The following CSNK1D variants were observed in gnomAD, a reference collection of about 807,000 sequenced individuals.
CSNK1D encodes the protein casein kinase I isoform delta.
CSNK1D carries 16 observed loss-of-function variants against 46.6 expected under a neutral mutation model. That is an observed-to-expected ratio of 0.34 (90% CI 0.23 to 0.52). CSNK1D has a LOEUF of 0.52. Ranked by LOEUF, CSNK1D falls within the 20% of genes least tolerant of loss-of-function variation. The pLI, the probability that CSNK1D is intolerant of heterozygous loss-of-function variation, is 0.95. For synonymous variants in CSNK1D, 276 were observed against 228.2 expected (o/e 1.21, Z -1.89); for missense variants, 398 against 578.4 (o/e 0.69, Z 3.20).
At chr17:82,266,858 A>T (rs574335731) in intron 1 of CSNK1D, 1 of 152,322 alleles carries the variant, frequency 6.6e-6, no homozygotes, top group Non-Finnish European at 1.5e-5. Context: ...CAGGAGATTG[A>T]GACCATCCTG....
rs2050907646 is a variant in CSNK1D, at chr17:82,248,490, G to A, written c.1197+385C>T. 9.1e-7 allele frequency: 1 copy of A among 1,093,430 alleles called. No individual in the cohort carries two copies. The highest frequency in any genetic ancestry group is 1.1e-6 in the Non-Finnish European group (1 of 892,760). The allele number at this position is 1,093,430 out of a possible 1,614,324, so 67.7% of individuals were successfully genotyped here. ...ATCCCTGGCCAGTGGCAAGAATGAG[G>A]AAGAATGAGGAAGGCTCCCTCGGGC... On this transcript the variant is annotated intron_variant, in intron 8 of 8. Coordinates refer to ENST00000314028, the MANE Select transcript of CSNK1D (RefSeq NM_001893.6). This position sits in a 1 kb window ranked among gnomAD's most constrained non-coding sequence, Gnocchi z 4.1.
downstream of CSNK1D, among the ~76,000 whole-genome samples, chr17:82,240,889 G>A (rs1171601685): frequency 6.6e-6 from 1 of 152,180 alleles, no homozygotes. Context: ...TTAAAGGAGG[G>A]AAGCCATGGG....
At position 82,253,009 on chromosome 17, in the gene CSNK1D, G is replaced by A. The variant is rs1280721389; in HGVS notation, c.565+7C>T. 1.2e-6 allele frequency: 2 copies of A among 1,613,328 alleles called. No homozygotes were observed. Among genetic ancestry groups the A allele is most frequent in the South Asian group, 1.1e-5 (1 of 91,066 alleles). On this transcript the variant is annotated splice_region_variant and intron_variant, in intron 4 of 8. Transcript: ENST00000314028. ...CCAGGTCAGTGACCCCATGCCCAGG[G>A]GCTCACCAATTCCAAGGTGCGTGTT...
chr17:82,239,850 T>A (rs918138112), downstream of CSNK1D: 2 of 499,100 alleles, frequency 4.0e-6, no homozygotes, highest in East Asian at 3.5e-5. Context: ...GGCTGGTCTT[T>A]GCACCCTGTC....
chr17:82,239,460 G>GTT (rs1222335478), downstream of CSNK1D: 47 of 168,384 alleles, frequency 2.8e-4, no homozygotes, highest in Non-Finnish European at 2.1e-4. Flanking sequence ...ATAAACCTGC[G>GTT]TGTGGGTGGA....
downstream of CSNK1D, among the ~76,000 whole-genome samples, chr17:82,241,590 G>A (rs2050742390): frequency 6.6e-6 from 1 of 152,246 alleles, no homozygotes; most frequent in Non-Finnish European, 1.5e-5. Context: ...ACTGGAACTT[G>A]GGTCTTGCCG....
At position 82,273,592 on chromosome 17, in the gene CSNK1D, T is replaced by A. The variant is rs2051699678; in HGVS notation, c.-211A>T. ...ACAGTCCGAGCGCCGCCGCCGCTGC[T>A]CCGGCCCCTACCGGTCCCGCTTGCC... On this transcript the variant is annotated 5_prime_UTR_variant, in exon 1 of 9. Transcript: ENST00000314028. The surrounding 1 kb of genome is among the most constrained non-coding windows in gnomAD (Gnocchi z 5.1). 1.7e-6 allele frequency: 1 copy of A among 596,330 alleles called. No homozygotes were observed. Among genetic ancestry groups the A allele is most frequent in the Non-Finnish European group, 2.9e-6 (1 of 347,060 alleles). 36.9% of individuals were successfully genotyped at this position (596,330 alleles called of 1,614,324 possible).
Position 82,273,194 on chromosome 17 carries a change from G to A in CSNK1D, c.76+112C>T. ...TCTGGCCACGATCCGGCGGTGCCGG[G>A]ACTTGCGCGGAGACCCCGCGGGGGC... On this transcript the variant is annotated intron_variant, in intron 1 of 8. Coordinates refer to ENST00000314028, the MANE Select transcript of CSNK1D (RefSeq NM_001893.6). The surrounding 1 kb of genome is among the most constrained non-coding windows in gnomAD (Gnocchi z 5.1). The A allele has an allele frequency of 9.0e-7, 1 of 1,113,286 alleles. No homozygotes were observed. The highest frequency in any genetic ancestry group is 2.6e-5 in the East Asian group (1 of 38,194). 69.0% of individuals were successfully genotyped at this position (1,113,286 alleles called of 1,614,324 possible). A position where few individuals can be genotyped will look rare whatever the true frequency, so the allele number is the denominator to read the frequency against.
intron 8 of CSNK1D, chr17:82,246,411 G>A (rs753874250): frequency 4.2e-4 from 504 of 1,214,118 alleles, no homozygotes; most frequent in Non-Finnish European, 4.9e-4. Context: ...TCGCCGGTAC[G>A]ACGACAGGGC....
chr17:82,255,355 C>CT lies in CSNK1D; in HGVS notation c.336+73_336+74insA, dbSNP rs1348499059. On this transcript the variant is annotated intron_variant, in intron 3 of 8. Coordinates refer to ENST00000314028, the MANE Select transcript of CSNK1D (RefSeq NM_001893.6). This position sits in a 1 kb window ranked among gnomAD's most constrained non-coding sequence, Gnocchi z 5.9. ...TGTGAATTAATGGCCATAATAATGG[C>CT]AAGAACAGCACAAGCGAGTGGCTGA... 6.4e-7 allele frequency: 1 copy of CT among 1,557,296 alleles called. No individual in the cohort carries two copies. The highest frequency in any genetic ancestry group is 1.4e-5 in the African/African-American group (1 of 73,710).
At position 82,255,546 on chromosome 17, in the gene CSNK1D, T is replaced by C. The variant is rs2051155219; in HGVS notation, c.219A>G (p.Ala73=). Residue 73 remains alanine, a synonymous_variant, in exon 3 of 9, where the codon GCA becomes GCG. Transcript: ENST00000314028. This position sits in a 1 kb window ranked among gnomAD's most constrained non-coding sequence, Gnocchi z 5.9. ...VGIPTIRWCG[A]EGDYNVMVME... Reference sequence around the variant, plus strand: ...TCACCATGACGTTGTAGTCCCCCTCTGCCCCGCACCATCTGATGGTGGGGA... The same window carrying C: ...TCACCATGACGTTGTAGTCCCCCTCCGCCCCGCACCATCTGATGGTGGGGA... 7 of 1,614,006 alleles carry C rather than the reference T, an allele frequency of 4.3e-6. No individual in the cohort carries two copies. The highest frequency in any genetic ancestry group is 1.3e-5 in the African/African-American group (1 of 74,910).
In CSNK1D at chr17:82,249,564, G is replaced by C; in HGVS notation, c.924C>G (p.Arg308=). The change falls in exon 7 of 9, where the codon CGC becomes CGG. Residue 308 remains arginine (R), a synonymous_variant. Coordinates refer to ENST00000314028, the MANE Select transcript of CSNK1D (RefSeq NM_001893.6). This position sits in a 1 kb window ranked among gnomAD's most constrained non-coding sequence, Gnocchi z 6.7. Reference sequence around the variant, plus strand: ...GTCTCAGCCGCTCCTCTCGGTCCCTGCGCTCCCGCTCGGCGTCATCGGCGG... The same window carrying C: ...GTCTCAGCCGCTCCTCTCGGTCCCTCCGCTCCCGCTCGGCGTCATCGGCGG... ...SRAADDAERE[R]RDREERLRHS... The C allele has an allele frequency of 1.3e-6, 2 of 1,553,862 alleles. No homozygotes were observed. The highest frequency in any genetic ancestry group is 1.2e-5 in the South Asian group (1 of 84,646).
In CSNK1D at chr17:82,248,770, TGGG is replaced by T. The variant is rs939160241; in HGVS notation, c.1197+102_1197+104del. The T allele has an allele frequency of 3.9e-6, 6 of 1,526,610 alleles. No homozygotes were observed. In the African/African-American group the frequency reaches 8.3e-5, roughly 21 times the overall value. The allele number at this position is 1,526,610 out of a possible 1,614,324, so 94.6% of individuals were successfully genotyped here. On this transcript the variant is annotated intron_variant, in intron 8 of 8. Coordinates refer to ENST00000314028, the MANE Select transcript of CSNK1D (RefSeq NM_001893.6). This position sits in a 1 kb window ranked among gnomAD's most constrained non-coding sequence, Gnocchi z 4.1. ...TGGCGAGATTAAAAACTCTCAAAAA[TGGG>T]GGGAAGAAAGGAAAGAAGAAGCCCT...
At position 82,244,705 on chromosome 17, in the gene CSNK1D, T is replaced by G; in HGVS notation, c.*76A>C. ...CATTTCGATCCTAGACCGGGGGACG[T>G]GTCACTAGTAAAGCCATTGGTAACA... On this transcript the variant is annotated 3_prime_UTR_variant, in exon 9 of 9. Coordinates refer to ENST00000314028, the MANE Select transcript of CSNK1D (RefSeq NM_001893.6). 6.2e-7 allele frequency: 1 copy of G among 1,610,830 alleles called. No individual in the cohort carries two copies. The highest frequency in any genetic ancestry group is 8.5e-7 in the Non-Finnish European group (1 of 1,179,544).
Position 82,255,351 on chromosome 17 carries a change from A to G in CSNK1D, c.336+78T>C, listed in dbSNP as rs1227719226. On this transcript the variant is annotated intron_variant, in intron 3 of 8. Transcript: ENST00000314028. This position sits in a 1 kb window ranked among gnomAD's most constrained non-coding sequence, Gnocchi z 5.9. ...CCTCTGTGAATTAATGGCCATAATA[A>G]TGGCAAGAACAGCACAAGCGAGTGG... 1.1e-5 allele frequency: 17 copies of G among 1,545,374 alleles called. No individual in the cohort carries two copies. Among genetic ancestry groups the G allele is most frequent in the Non-Finnish European group, 1.5e-5 (17 of 1,118,012 alleles).
chr17:82,249,504 G>A lies in CSNK1D; in HGVS notation c.984C>T (p.Ser328=). The A allele has an allele frequency of 6.5e-7, 1 of 1,544,330 alleles. No individual in the cohort carries two copies. The highest frequency in any genetic ancestry group is 1.2e-5 in the South Asian group (1 of 83,994). ...TCCCCCGCAGGCGGCCGGAGGCTGT[G>A]GAAGGGAGGCCGCGGGTAGCCGGGT... is the stretch of plus-strand genomic sequence containing the variant. ...SRNPATRGLP[S]TASGRLRGTQ... Residue 328 remains serine (S), a synonymous_variant, in exon 7 of 9, where the codon TCC becomes TCT. Transcript: ENST00000314028. The surrounding 1 kb of genome is among the most constrained non-coding windows in gnomAD (Gnocchi z 6.7).
In CSNK1D at chr17:82,255,215, G is replaced by C; in HGVS notation, c.336+214C>G. The C allele has an allele frequency of 1.6e-6, 1 of 636,112 alleles. No homozygotes were observed. The highest frequency in any genetic ancestry group is 1.7e-5 in the South Asian group (1 of 57,516). 39.4% of individuals were successfully genotyped at this position (636,112 alleles called of 1,614,324 possible). ...CGCCGGAGCCTCGAGAAGCCAGTGA[G>C]CTGGGCCGCCGGAGCCTCGAGAAGC... On this transcript the variant is annotated intron_variant, in intron 3 of 8. Coordinates refer to ENST00000314028, the MANE Select transcript of CSNK1D (RefSeq NM_001893.6). The surrounding 1 kb of genome is among the most constrained non-coding windows in gnomAD (Gnocchi z 5.9).
intron 8 of CSNK1D, chr17:82,246,576 A>G: frequency 5.8e-6 from 6 of 1,027,992 alleles, no homozygotes; most frequent in Non-Finnish European, 7.0e-6. Flanking sequence ...CTGGCCGAAC[A>G]CCAACAGCCC....
intron 1 of CSNK1D, among the ~76,000 whole-genome samples, chr17:82,272,848 A>G (rs1289388592): frequency 6.6e-6 from 1 of 152,044 alleles, no homozygotes; most frequent in East Asian, 1.9e-4. Context: ...GCGTAGAGGA[A>G]GCCGACGCCC....
Sources: allele counts gnomAD v4.1 joint callset (sites outside exome capture counted in the v4.1 genomes callset), GRCh38; gene constraint gnomAD v4.1.1; non-coding constraint Gnocchi (gnomAD v3.1); transcripts MANE v1.5; gene names NCBI Gene and HGNC (gene_info 2026-07-23, HGNC 2026-07-21).